The following DLG2 variants were observed in gnomAD, a reference collection of about 807,000 sequenced individuals.
DLG2 encodes the protein discs large MAGUK scaffold protein 2.
DLG2 carries 45 observed loss-of-function variants against 132.5 expected under a neutral mutation model. The observed-to-expected ratio is 0.34, with a 90% CI of 0.27 to 0.44. DLG2 has a LOEUF of 0.44. Ranked by LOEUF, DLG2 falls within the 20% of genes least tolerant of loss-of-function variation. The pLI is 1.00. For missense variants in DLG2, 1,045 were observed against 1,196.9 expected (o/e 0.87, Z 1.87); for synonymous variants, 424 against 419.6 (o/e 1.01, Z -0.13).
At chr11:84,727,111 T>C (rs1376882664) in intron 6 of DLG2, among the ~76,000 whole-genome samples, 1 of 152,224 alleles carries the variant, frequency 6.6e-6, no homozygotes, top group African/African-American at 2.4e-5. Flanking sequence ...TTAGATCCTG[T>C]TTGTCAATTT....
At chr11:85,159,296 A>T (rs1490963080) in intron 4 of DLG2, among the ~76,000 whole-genome samples, 1 of 152,210 alleles carries the variant, frequency 6.6e-6, no homozygotes, top group African/African-American at 2.4e-5. Context: ...TCATTTCTGC[A>T]GTGCCAGAAT....
intron 6 of DLG2, among the ~76,000 whole-genome samples, chr11:85,030,023 A>C (rs1432406629): frequency 1.3e-5 from 2 of 152,164 alleles, no homozygotes; most frequent in East Asian, 3.9e-4. Context: ...TATATATGTC[A>C]CTTTCCTTCT....
intron 6 of DLG2, among the ~76,000 whole-genome samples, chr11:84,619,125 T>C (rs1449912200): frequency 6.6e-6 from 1 of 151,894 alleles, no homozygotes; most frequent in Non-Finnish European, 1.5e-5. Context: ...TGACAAAATA[T>C]TCACCACATT....
intron 5 of DLG2, among the ~76,000 whole-genome samples, chr11:85,152,213 TAGAA>T (rs1207887377): frequency 6.6e-6 from 1 of 151,976 alleles, no homozygotes; most frequent in Non-Finnish European, 1.5e-5. Flanking sequence ...TGTATTATAA[TAGAA>T]AGAACTCATA....
intron 3 of DLG2, among the ~76,000 whole-genome samples, chr11:85,462,638 C>T (rs2092653726): frequency 6.6e-6 from 1 of 151,968 alleles, no homozygotes. Flanking sequence ...ACATCACACA[C>T]CGGGGCCTGT....
In DLG2 at chr11:84,898,518, T is replaced by G. The variant is rs571620221; in HGVS notation, c.357+213143A>C. ...AGTAAACTAGCTTCTGTCCTTTCCC[T>G]TCTACTGCAAATGTTCTTTGACATT... On this transcript the variant is annotated intron_variant, in intron 6 of 27. Coordinates refer to ENST00000376104, the MANE Select transcript of DLG2 (RefSeq NM_001142699.3). Among the ~76,000 whole-genome samples the G allele has an allele frequency of 1.8e-4, 27 of 152,122 alleles. 2 individuals carry two copies. The highest frequency in any genetic ancestry group is 6.5e-4 in the African/African-American group (27 of 41,564).
intron 19 of DLG2, among the ~76,000 whole-genome samples, chr11:83,572,833 A>G (rs1328913528): frequency 1.3e-5 from 2 of 152,136 alleles, no homozygotes; most frequent in Admixed American, 6.6e-5. Flanking sequence ...TTAATTCGTT[A>G]CAGAGAATAA....
At position 83,899,802 on chromosome 11, in the gene DLG2, A is replaced by C. The variant is rs536729468; in HGVS notation, c.1497-25314T>G. On this transcript the variant is annotated intron_variant, in intron 15 of 27. Coordinates refer to ENST00000376104, the MANE Select transcript of DLG2 (RefSeq NM_001142699.3). ...TAATACAGCAAATTGGTAAGATTAG[A>C]GTGCATTGCTGAAAAGATACCCAAA... Among the ~76,000 whole-genome samples, 3 of 152,326 alleles carry C rather than the reference A, an allele frequency of 2.0e-5. No individual in the cohort carries two copies. In the East Asian group the frequency reaches 5.8e-4, roughly 29 times the overall value.
In DLG2 at chr11:84,431,555, C is replaced by T. The variant is rs531135484; in HGVS notation, c.519+103015G>A. Among the ~76,000 whole-genome samples, 13 of 151,664 alleles carry T rather than the reference C, an allele frequency of 8.6e-5. No homozygotes were observed. The South Asian group carries it at 2.7e-3, about 32-fold the overall frequency. ...CATAATGTTAATTTTCATTTTTTTC[C>T]TTTATCATTTACCTTCCTAAATTCA... On this transcript the variant is annotated intron_variant, in intron 7 of 27. Transcript: ENST00000376104.
chr11:83,495,259 G>T (rs2094091236), intron 21 of DLG2, among the ~76,000 whole-genome samples: 1 of 152,098 alleles, frequency 6.6e-6, no homozygotes, highest in South Asian at 2.1e-4. Flanking sequence ...GAGGTATAGG[G>T]AGAGGTATTC....
At chr11:85,241,219 G>A (rs1005454378) in intron 4 of DLG2, among the ~76,000 whole-genome samples, 1 of 151,586 alleles carries the variant, frequency 6.6e-6, no homozygotes, top group Non-Finnish European at 1.5e-5. Context: ...TAGACATGAA[G>A]TTGATTTTTC....
rs1477621942 is a variant in DLG2, at chr11:84,714,596, TCTTTCTCTTTCTCTTTCTC to T, written c.358-179884_358-179866del. ...TTCTCTTTCTCTTTCTCTTTCTCTT[TCTTTCTCTTTCTCTTTCTC>T]TTTCTCTTTCTCTCTCTCTCTCTCT... is the stretch of plus-strand genomic sequence containing the variant. On this transcript the variant is annotated intron_variant, in intron 6 of 27. Transcript: ENST00000376104. 1.7e-3 allele frequency among the ~76,000 whole-genome samples: 156 copies of T among 89,456 alleles called. 2 individuals carry two copies. The highest frequency in any genetic ancestry group is 2.9e-3 in the African/African-American group (36 of 12,514). 58.7% of individuals were successfully genotyped at this position (89,456 alleles called of 152,430 possible). A position where few individuals can be genotyped will look rare whatever the true frequency, so the allele number is the denominator to read the frequency against.
chr11:83,653,929 A>G (rs2071456349), intron 18 of DLG2, among the ~76,000 whole-genome samples: 2 of 152,094 alleles, frequency 1.3e-5, no homozygotes, highest in African/African-American at 4.8e-5. Flanking sequence ...CATGTTGGCC[A>G]TGCTCGTCTC....
At chr11:83,961,039 T>C (rs1365550061) in intron 14 of DLG2, among the ~76,000 whole-genome samples, 1 of 152,044 alleles carries the variant, frequency 6.6e-6, no homozygotes, top group South Asian at 2.1e-4. Flanking sequence ...GTAAAAATAT[T>C]TCATGTGACA....
intron 18 of DLG2, chr11:83,682,166 A>G (rs2078937281): frequency 3.0e-6 from 3 of 985,270 alleles, no homozygotes; most frequent in African/African-American, 3.5e-5. Context: ...ACCGAGCACA[A>G]AATTATTGGA....
At chr11:83,826,701 C>T (rs2052898192) in intron 17 of DLG2, among the ~76,000 whole-genome samples, 1 of 152,130 alleles carries the variant, frequency 6.6e-6, no homozygotes, top group Non-Finnish European at 1.5e-5. Flanking sequence ...AGAGTATGTC[C>T]TGGCTGATAC....
chr11:83,959,438 G>A (rs112221053), intron 14 of DLG2, among the ~76,000 whole-genome samples: 5,276 of 152,096 alleles, frequency 0.035, 339 homozygotes, highest in African/African-American at 0.12. Flanking sequence ...TTTCCCTACT[G>A]GCCCAAGTTC....
chr11:85,435,349 T>C (rs1482829003), intron 3 of DLG2, among the ~76,000 whole-genome samples: 1 of 152,126 alleles, frequency 6.6e-6, no homozygotes, highest in Non-Finnish European at 1.5e-5. Flanking sequence ...GGTACTCAAA[T>C]GGGAAGAGAG....
At chr11:85,413,484 A>G (rs568108771) in intron 3 of DLG2, among the ~76,000 whole-genome samples, 1 of 152,110 alleles carries the variant, frequency 6.6e-6, no homozygotes, top group Non-Finnish European at 1.5e-5. Context: ...TGCCTAAGCC[A>G]ATGTCTAGAA....
Sources: allele counts gnomAD v4.1 joint callset (sites outside exome capture counted in the v4.1 genomes callset), GRCh38; gene constraint gnomAD v4.1.1; transcripts MANE v1.5; gene names NCBI Gene and HGNC (gene_info 2026-07-23, HGNC 2026-07-21).